Variants in MPP7 observed in about 807,000 individuals in gnomAD.
The protein encoded by MPP7 is MAGUK p55 scaffold protein 7.
MPP7 carries 60 observed loss-of-function variants against 76.5 expected under a neutral mutation model. The observed-to-expected ratio is 0.78, with a 90% CI of 0.64 to 0.97. The LOEUF is 0.97. MPP7 is among the 50% of genes least tolerant of loss of function. MPP7 has a pLI of 0.00. For synonymous variants in MPP7, 237 were observed against 244.5 expected, an observed-to-expected ratio of 0.97 and a Z score of 0.29; for missense variants, 641 against 694.0, an observed-to-expected ratio of 0.92 and a Z score of 0.86.
At chr10:28,074,847 C>T (rs1030236769) in intron 12 of MPP7, among the ~76,000 whole-genome samples, 4 of 152,218 alleles carry the variant, frequency 2.6e-5, no homozygotes, top group Non-Finnish European at 5.9e-5. Flanking sequence ...TGGTGTCTTC[C>T]ACTCTTGCTA....
At chr10:28,254,407 C>G (rs1038711875) in intron 1 of MPP7, among the ~76,000 whole-genome samples, 1 of 152,124 alleles carries the variant, frequency 6.6e-6, no homozygotes, top group Admixed American at 6.5e-5. Context: ...CTGGGATTAC[C>G]TGAAACCTCT....
intron 3 of MPP7, among the ~76,000 whole-genome samples, chr10:28,162,819 G>A (rs1363610790): frequency 6.6e-6 from 1 of 152,060 alleles, no homozygotes; most frequent in Non-Finnish European, 1.5e-5. Context: ...CTTTTGTCTT[G>A]CAGGTACATG....
At chr10:28,161,278 C>T (rs1200731611) in intron 3 of MPP7, among the ~76,000 whole-genome samples, 3 of 152,102 alleles carry the variant, frequency 2.0e-5, no homozygotes, top group Non-Finnish European at 2.9e-5. Context: ...GCTACCATCA[C>T]AGCTGGGATA....
intron 3 of MPP7, among the ~76,000 whole-genome samples, chr10:28,201,074 A>C (rs758323904): frequency 2.6e-5 from 4 of 152,210 alleles, no homozygotes; most frequent in Non-Finnish European, 5.9e-5. Flanking sequence ...TATTATTTAG[A>C]GCACAAGGAT....
chr10:28,222,795 T>C (rs1465046887), intron 2 of MPP7, among the ~76,000 whole-genome samples: 9 of 145,664 alleles, frequency 6.2e-5, no homozygotes, highest in Admixed American at 2.1e-4. Flanking sequence ...GAGCTTGCAG[T>C]GAGCCAAGAT....
intron 1 of MPP7, among the ~76,000 whole-genome samples, chr10:28,331,842 G>A (rs192325703): frequency 7.2e-5 from 11 of 152,176 alleles, no homozygotes; most frequent in Admixed American, 3.3e-4. Flanking sequence ...CCCAAAGTGC[G>A]GGAATTACAA....
intron 1 of MPP7, among the ~76,000 whole-genome samples, chr10:28,272,216 T>C (rs7091331): frequency 0.15 from 22,694 of 152,130 alleles, 1,791 homozygotes; most frequent in South Asian, 0.19. Flanking sequence ...CAAACTAAAA[T>C]GCACTTTTAG....
intron 3 of MPP7, among the ~76,000 whole-genome samples, chr10:28,174,015 A>G (rs1663836777): frequency 1.3e-5 from 2 of 152,296 alleles, no homozygotes; most frequent in East Asian, 1.9e-4. Context: ...CCCATACGAA[A>G]CATATGAAGA....
chr10:28,334,791 T>C (rs1238957099), upstream of MPP7, among the ~76,000 whole-genome samples: 1 of 152,194 alleles, frequency 6.6e-6, no homozygotes, highest in African/African-American at 2.4e-5. Context: ...GAAGACAGAC[T>C]CATCCCATAC....
chr10:28,120,361 A>T lies in MPP7; in HGVS notation c.720T>A (p.Asn240Lys). 6.2e-7 allele frequency: 1 copy of T among 1,613,152 alleles called. No individual in the cohort carries two copies. ...ATGGAATTGCCTTATCCTCATTAGG[A>T]TTATAGTCAAAGAGGGCTTTGATAA... ...KMFIKALFDY[N>K]PNEDKAIPCK... Residue 240 changes from asparagine to lysine, a missense_variant, in exon 10 of 17, where the codon AAT (asparagine) becomes AAA (lysine). Transcript: ENST00000683449.
intron 1 of MPP7, among the ~76,000 whole-genome samples, chr10:28,286,028 G>C (rs979925214): frequency 3.3e-5 from 5 of 152,146 alleles, no homozygotes; most frequent in Non-Finnish European, 5.9e-5. Context: ...ACTTTGTACA[G>C]GTCAGGAGTT....
In MPP7 at chr10:28,089,155, C is replaced by A. The variant is rs534616306; in HGVS notation, c.1123+516G>T. On this transcript the variant is annotated intron_variant, in intron 12 of 16. Transcript: ENST00000683449. Reference sequence around the variant, plus strand: ...CTCAAACTCCTGACCTCAAGTGATCCTCCCACCCTGGCCTCCCAAAGTGCT... The same window carrying A: ...CTCAAACTCCTGACCTCAAGTGATCATCCCACCCTGGCCTCCCAAAGTGCT... 9.2e-5 allele frequency among the ~76,000 whole-genome samples: 14 copies of A among 152,298 alleles called. No individual in the cohort carries two copies. The South Asian group carries it at 2.9e-3, about 32-fold the overall frequency.
At chr10:28,297,686 G>A (rs566722421) in intron 1 of MPP7, among the ~76,000 whole-genome samples, 23 of 152,054 alleles carry the variant, frequency 1.5e-4, no homozygotes, top group African/African-American at 4.1e-4. Context: ...GCAACAGAGC[G>A]AGACTCCGTC....
intron 1 of MPP7, among the ~76,000 whole-genome samples, chr10:28,260,880 G>C (rs560474000): frequency 2.6e-5 from 4 of 151,934 alleles, no homozygotes; most frequent in Non-Finnish European, 5.9e-5. Context: ...TTTCAACTCA[G>C]TGTGAGTTGA....
chr10:28,292,695 A>G (rs1036581220), intron 1 of MPP7, among the ~76,000 whole-genome samples: 1 of 152,244 alleles, frequency 6.6e-6, no homozygotes, highest in African/African-American at 2.4e-5. Flanking sequence ...ATGTTTTTAA[A>G]ATAACACAGG....
chr10:28,280,083 T>C (rs1288456974), intron 1 of MPP7: 1 of 152,070 alleles, frequency 6.6e-6, no homozygotes, highest in Non-Finnish European at 1.5e-5. Context: ...TCATTCATAT[T>C]TGACTACACT....
intron 1 of MPP7, among the ~76,000 whole-genome samples, chr10:28,302,052 C>A (rs981833686): frequency 1.3e-5 from 2 of 151,658 alleles, no homozygotes; most frequent in African/African-American, 4.9e-5. Flanking sequence ...TTTTAGAGAG[C>A]CCCCCCTTTT....
chr10:28,170,289 T>G (rs945521068), intron 3 of MPP7, among the ~76,000 whole-genome samples: 1 of 152,090 alleles, frequency 6.6e-6, no homozygotes, highest in African/African-American at 2.4e-5. Flanking sequence ...CTAGAAAGCA[T>G]GTAGTCATTA....
intron 3 of MPP7, among the ~76,000 whole-genome samples, chr10:28,177,491 A>G (rs1290565790): frequency 6.6e-6 from 1 of 152,132 alleles, no homozygotes; most frequent in Non-Finnish European, 1.5e-5. Context: ...TCGTAGATTA[A>G]TTGTTCCTAT....
Sources: allele counts gnomAD v4.1 joint callset (sites outside exome capture counted in the v4.1 genomes callset), GRCh38; gene constraint gnomAD v4.1.1; transcripts MANE v1.5; gene names NCBI Gene and HGNC (gene_info 2026-07-23, HGNC 2026-07-21).